FGF14: variants seen among roughly 807,000 people sequenced by gnomAD.
FGF14 encodes fibroblast growth factor homologous factor 4.
Under a neutral mutation model 25.5 loss-of-function variants are expected in FGF14, and 5 were observed. The ratio of observed to expected loss-of-function variants is 0.20; its 90% CI spans 0.10 to 0.41. The LOEUF (loss-of-function observed/expected upper bound fraction) is 0.41. Ranked by LOEUF, FGF14 falls within the 10% of genes least tolerant of loss-of-function variation. FGF14 has a pLI of 1.00. For synonymous variants in FGF14, 138 were observed against 118.3 expected (o/e 1.17, Z -1.08); for missense variants, 222 against 320.1 (o/e 0.69, Z 2.34).
At chr13:102,161,658 G>GTC (rs1566765345) in intron 1 of FGF14, among the ~76,000 whole-genome samples, 850 of 20,528 alleles carry the variant, frequency 0.041, 75 homozygotes, top group East Asian at 0.15. Flanking sequence ...AGAAGAAGAA[G>GTC]AAGAAGAAGA....
chr13:102,031,808 C>G (rs1323219953), intron 1 of FGF14, among the ~76,000 whole-genome samples: 1 of 151,990 alleles, frequency 6.6e-6, no homozygotes, highest in Non-Finnish European at 1.5e-5. Flanking sequence ...TGACAGGAAT[C>G]TATAGTCAAA....
chr13:102,185,263 G>T (rs2048833305), intron 1 of FGF14, among the ~76,000 whole-genome samples: 1 of 152,048 alleles, frequency 6.6e-6, no homozygotes, highest in Non-Finnish European at 1.5e-5. Flanking sequence ...AAAAGGAATT[G>T]TTCTCATCCA....
At chr13:101,925,854 G>C (rs1344341700) in intron 1 of FGF14, among the ~76,000 whole-genome samples, 2 of 152,208 alleles carry the variant, frequency 1.3e-5, no homozygotes, top group Non-Finnish European at 2.9e-5. Context: ...GATGTCTGCA[G>C]AGCCTTCTGG....
chr13:101,866,851 A>C (rs2044734105), intron 3 of FGF14, among the ~76,000 whole-genome samples: 1 of 152,148 alleles, frequency 6.6e-6, no homozygotes, highest in South Asian at 2.1e-4. Context: ...TGGCCTAGGC[A>C]CAGGAGATCC....
At chr13:101,734,065 A>G (rs1243142985) in intron 3 of FGF14, among the ~76,000 whole-genome samples, 1 of 151,992 alleles carries the variant, frequency 6.6e-6, no homozygotes, top group African/African-American at 2.4e-5. Context: ...TACATTTAAA[A>G]TGTGGTATTC....
At chr13:102,121,059 G>T (rs2045703417) in intron 1 of FGF14, among the ~76,000 whole-genome samples, 1 of 152,108 alleles carries the variant, frequency 6.6e-6, no homozygotes, top group African/African-American at 2.4e-5. Flanking sequence ...CACTTTCCAA[G>T]GTACTCAGGC....
At chr13:102,342,090 G>T (rs376493544) in intron 1 of FGF14, among the ~76,000 whole-genome samples, 7 of 152,134 alleles carry the variant, frequency 4.6e-5, no homozygotes, top group African/African-American at 1.7e-4. Flanking sequence ...ATACTTTTAA[G>T]GCAACACCTA....
intron 3 of FGF14, among the ~76,000 whole-genome samples, chr13:101,734,053 C>T (rs1259418014): frequency 6.6e-6 from 1 of 151,488 alleles, no homozygotes; most frequent in Non-Finnish European, 1.5e-5. Flanking sequence ...TGTGTGTGCA[C>T]GTACATTTAA....
upstream of FGF14, chr13:102,401,897 T>C: frequency 3.4e-6 from 2 of 594,262 alleles, no homozygotes; most frequent in Non-Finnish European, 6.0e-6. Flanking sequence ...TCAAAACTAA[T>C]CAGGGAGAAC....
intron 1 of FGF14, among the ~76,000 whole-genome samples, chr13:101,930,399 C>T (rs1171426352): frequency 6.6e-6 from 1 of 152,154 alleles, no homozygotes; most frequent in Non-Finnish European, 1.5e-5. Flanking sequence ...GGTAAACATA[C>T]TTCATTGTAT....
chr13:102,176,229 A>G (rs115725729), intron 1 of FGF14, among the ~76,000 whole-genome samples: 3 of 152,290 alleles, frequency 2.0e-5, no homozygotes, highest in East Asian at 3.9e-4. Flanking sequence ...ATAAAATACT[A>G]TGCAGCCACA....
intron 1 of FGF14, among the ~76,000 whole-genome samples, chr13:102,040,461 G>C (rs143741007): frequency 6.4e-4 from 97 of 152,170 alleles, no homozygotes; most frequent in African/African-American, 2.3e-3. Flanking sequence ...AGTTGCTACA[G>C]AAACAGTAAC....
At chr13:102,055,847 A>G (rs571865774) in intron 1 of FGF14, among the ~76,000 whole-genome samples, 1 of 152,344 alleles carries the variant, frequency 6.6e-6, no homozygotes, top group East Asian at 1.9e-4. Context: ...ATGGACTCAC[A>G]GTCCCATGTG....
chr13:101,866,934 AGAG>A (rs1468455762), intron 3 of FGF14, among the ~76,000 whole-genome samples: 4 of 152,168 alleles, frequency 2.6e-5, no homozygotes, highest in African/African-American at 7.2e-5. Context: ...AAGGATGGGA[AGAG>A]GAGAACACCA....
intron 1 of FGF14, among the ~76,000 whole-genome samples, chr13:101,907,118 A>G (rs1472872024): frequency 6.6e-6 from 1 of 152,148 alleles, no homozygotes; most frequent in Non-Finnish European, 1.5e-5. Context: ...ATTTAAATAC[A>G]AAGACTAATT....
In FGF14 at chr13:101,958,899, G is replaced by A. The variant is rs142410892; in HGVS notation, c.209-83603C>T. Among the ~76,000 whole-genome samples, 13 of 152,228 alleles carry A rather than the reference G, an allele frequency of 8.5e-5. No individual in the cohort carries two copies. The East Asian group carries it at 2.5e-3, about 29-fold the overall frequency. On this transcript the variant is annotated intron_variant, in intron 1 of 4. Coordinates refer to the FGF14 transcript ENST00000376131. ...AGCAATTGCTATGGCTTTATCAATT[G>A]CATTTCTATCCTCAATGTAGTCACT...
At chr13:102,057,722 C>T (rs2042498038) in intron 1 of FGF14, among the ~76,000 whole-genome samples, 1 of 152,006 alleles carries the variant, frequency 6.6e-6, no homozygotes, top group African/African-American at 2.4e-5. Flanking sequence ...ATGCATAATT[C>T]AGTGCTGACT....
At chr13:102,233,397 C>T (rs767519959) in intron 1 of FGF14, among the ~76,000 whole-genome samples, 1 of 152,128 alleles carries the variant, frequency 6.6e-6, no homozygotes, top group African/African-American at 2.4e-5. Context: ...TTCCAAAGTG[C>T]TGGGATTCCA....
chr13:101,745,242 G>A (rs190968585), intron 3 of FGF14, among the ~76,000 whole-genome samples: 1 of 151,964 alleles, frequency 6.6e-6, no homozygotes, highest in African/African-American at 2.4e-5. Flanking sequence ...AAATTGAGCA[G>A]AGTACAGAGA....
Sources: gnomAD v4.1 joint callset for allele counts (sites outside exome capture counted in the v4.1 genomes callset) on GRCh38, gnomAD v4.1.1 for gene constraint, MANE v1.5 for transcripts, NCBI Gene and HGNC (gene_info 2026-07-23, HGNC 2026-07-21) for gene names.